The following KIFAP3 variants were observed in gnomAD, a reference collection of about 807,000 sequenced individuals.
KIFAP3 encodes the protein kinesin-associated protein 3.
KIFAP3 carries 68 observed loss-of-function variants against 106.5 expected under a neutral mutation model. The ratio of observed to expected loss-of-function variants is 0.64; its 90% confidence interval spans 0.53 to 0.78. The LOEUF (loss-of-function observed/expected upper bound fraction) is 0.78. Among genes scored for constraint, KIFAP3 ranks in the 30% least tolerant of loss-of-function variants. KIFAP3 has a pLI of 0.00. For missense variants in KIFAP3, 780 were observed against 941.8 expected (o/e 0.83, Z 2.25); for synonymous variants, 320 against 311.5 (o/e 1.03, Z -0.29).
chr1:169,967,750 G>A (rs191123679), intron 17 of KIFAP3, among the ~76,000 whole-genome samples: 152 of 151,904 alleles, frequency 1.0e-3, no homozygotes, highest in African/African-American at 3.1e-3. Flanking sequence ...AATACTGGTA[G>A]GATAGGAGTT....
intron 10 of KIFAP3, among the ~76,000 whole-genome samples, chr1:169,993,886 A>G (rs543283056): frequency 3.5e-4 from 37 of 106,576 alleles, no homozygotes; most frequent in Non-Finnish European, 6.3e-4. Flanking sequence ...CTGTCTCAAA[A>G]AAAAAGTAAG....
chr1:170,073,894 C>T (rs1214197224), intron 1 of KIFAP3, among the ~76,000 whole-genome samples: 2 of 152,168 alleles, frequency 1.3e-5, no homozygotes, highest in Non-Finnish European at 2.9e-5. Flanking sequence ...ATGTTGTATA[C>T]ATGGGAGTCA....
intron 10 of KIFAP3, among the ~76,000 whole-genome samples, chr1:170,011,040 T>G (rs1668218632): frequency 6.6e-6 from 1 of 151,994 alleles, no homozygotes; most frequent in Admixed American, 6.6e-5. Flanking sequence ...TGACCATTCA[T>G]GTCTACTGCA....
intron 9 of KIFAP3, among the ~76,000 whole-genome samples, chr1:170,018,750 T>C (rs1302860778): frequency 6.6e-6 from 1 of 152,126 alleles, no homozygotes. Context: ...GAGCCCTTGA[T>C]ATACTTTTTT....
intron 15 of KIFAP3, among the ~76,000 whole-genome samples, chr1:169,980,258 A>T (rs1245472728): frequency 6.6e-6 from 1 of 152,164 alleles, no homozygotes; most frequent in African/African-American, 2.4e-5. Flanking sequence ...TACATATTTG[A>T]AAAGTCTATT....
intron 10 of KIFAP3, among the ~76,000 whole-genome samples, chr1:169,997,430 T>C (rs1667420450): frequency 6.6e-6 from 1 of 152,224 alleles, no homozygotes; most frequent in Non-Finnish European, 1.5e-5. Context: ...TTTGTGTTTT[T>C]TATCCTCAAG....
intron 19 of KIFAP3, among the ~76,000 whole-genome samples, chr1:169,947,062 G>A (rs1664478487): frequency 6.6e-6 from 1 of 151,772 alleles, no homozygotes; most frequent in Admixed American, 6.6e-5. Flanking sequence ...AATTTTACTT[G>A]TCATATAGTA....
Position 170,003,609 on chromosome 1 carries a change from GTT to G in KIFAP3, c.1184-11356_1184-11355del, listed in dbSNP as rs1667778959. On this transcript the variant is annotated intron_variant, in intron 10 of 19. Transcript: ENST00000361580. ...CAGAGGTTACTGCTGCCTTTTGTCT[GTT>G]TGTGCCCTGCCCCCAGAGGTGGAGC... Among the ~76,000 whole-genome samples the G allele has an allele frequency of 3.7e-3, 3 of 810 alleles. No individual in the cohort carries two copies. The African/African-American group carries it at 0.11, about 29-fold the overall frequency. The allele number at this position is 810 out of a possible 152,430, so 0.5% of individuals were successfully genotyped here.
rs11417586 is a variant in KIFAP3 at position 170,017,255 on chromosome 1, CAAAAAAAAAAAAA to C, written c.1021-644_1021-632del. On this transcript the variant is annotated intron_variant, in intron 9 of 19. Transcript: ENST00000361580. ...CTGGTGGCAGAGAGAGAGACTGTCT[CAAAAAAAAAAAAA>C]AAAAAAAAAGAGTAGACAAATAGAA... Among the ~76,000 whole-genome samples, 11 of 70,138 alleles carry C rather than the reference CAAAAAAAAAAAAA, an allele frequency of 1.6e-4. No homozygotes were observed. In the Admixed American group the frequency reaches 1.9e-3, roughly 12 times the overall value. The allele number at this position is 70,138 out of a possible 152,430, so 46.0% of individuals were successfully genotyped here. A position where few individuals can be genotyped will look rare whatever the true frequency, so the allele number is the denominator to read the frequency against.
chr1:170,021,836 C>T (rs1451952781), intron 9 of KIFAP3, among the ~76,000 whole-genome samples: 1 of 151,802 alleles, frequency 6.6e-6, no homozygotes, highest in Non-Finnish European at 1.5e-5. Flanking sequence ...TTTAACACAG[C>T]CTTCTAGTCA....
chr1:169,932,256 T>A (rs1350035609), intron 19 of KIFAP3, among the ~76,000 whole-genome samples: 1 of 152,098 alleles, frequency 6.6e-6, no homozygotes, highest in Non-Finnish European at 1.5e-5. Context: ...AGGAAAGTTC[T>A]TGTTGGAGGT....
At chr1:169,975,242 G>A (rs1214096105) in intron 16 of KIFAP3, among the ~76,000 whole-genome samples, 1 of 152,006 alleles carries the variant, frequency 6.6e-6, no homozygotes, top group East Asian at 1.9e-4. Flanking sequence ...CAATTCTTAT[G>A]TGATTGAGTC....
chr1:170,012,373 TAGTA>T, intron 10 of KIFAP3, among the ~76,000 whole-genome samples: 1 of 152,220 alleles, frequency 6.6e-6, no homozygotes, highest in Middle Eastern at 3.4e-3. Context: ...TAATAAATGA[TAGTA>T]AGAACAATAA....
chr1:169,926,494 CTG>C (rs1663138294), intron 19 of KIFAP3, among the ~76,000 whole-genome samples: 1 of 152,074 alleles, frequency 6.6e-6, no homozygotes, highest in South Asian at 2.1e-4. Flanking sequence ...TAGGCTAAAA[CTG>C]TATTAATCTT....
At chr1:169,927,917 G>C (rs1663231478) in intron 19 of KIFAP3, among the ~76,000 whole-genome samples, 1 of 151,884 alleles carries the variant, frequency 6.6e-6, no homozygotes, top group Non-Finnish European at 1.5e-5. Context: ...CTAAGAAAGA[G>C]AATGACCAAA....
chr1:170,010,730 A>C (rs918683932), intron 10 of KIFAP3, among the ~76,000 whole-genome samples: 4 of 151,970 alleles, frequency 2.6e-5, no homozygotes, highest in Non-Finnish European at 4.4e-5. Context: ...AAGATTCACA[A>C]CTCATTGTAC....
At chr1:169,944,509 C>G (rs527737763) in intron 19 of KIFAP3, among the ~76,000 whole-genome samples, 1 of 152,238 alleles carries the variant, frequency 6.6e-6, no homozygotes, top group East Asian at 1.9e-4. Flanking sequence ...TTTCCCACAA[C>G]ATGGTGAGTG....
At chr1:170,059,325 G>T (rs1420110695) in intron 1 of KIFAP3, among the ~76,000 whole-genome samples, 1 of 152,090 alleles carries the variant, frequency 6.6e-6, no homozygotes, top group Non-Finnish European at 1.5e-5. Flanking sequence ...TGATAAAGGG[G>T]ATATCACCAC....
chr1:170,004,939 A>C (rs1481423854), intron 10 of KIFAP3, among the ~76,000 whole-genome samples: 23 of 152,142 alleles, frequency 1.5e-4, no homozygotes, highest in Admixed American at 3.3e-4. Context: ...AATGGGAGAA[A>C]ATTTTCGCAA....
Sources: allele counts gnomAD v4.1 joint callset (sites outside exome capture counted in the v4.1 genomes callset), GRCh38; gene constraint gnomAD v4.1.1; transcripts MANE v1.5; gene names NCBI Gene and HGNC (gene_info 2026-07-23, HGNC 2026-07-21).